The following ZEB1 variants were observed in gnomAD, a reference collection of about 807,000 sequenced individuals.
The protein encoded by ZEB1 is zinc finger E-box-binding homeobox 1.
Under a neutral mutation model 84.9 loss-of-function variants are expected in ZEB1, and 21 were observed. That is an observed-to-expected ratio of 0.25 (90% CI 0.18 to 0.36). The LOEUF is 0.36. Ranked by LOEUF, ZEB1 falls within the 10% of genes least tolerant of loss-of-function variation. The probability of loss-of-function intolerance (pLI) is 1.00; values close to 1 mark genes in which losing one functional copy is unlikely to be tolerated. For missense variants in ZEB1, 1,104 were observed against 1,330.2 expected, an observed-to-expected ratio of 0.83 and a Z score of 2.65; for synonymous variants, 420 against 471.1, an observed-to-expected ratio of 0.89 and a Z score of 1.41.
chr10:31,396,053 A>G, intron 1 of ZEB1, among the ~76,000 whole-genome samples: 1 of 152,244 alleles, frequency 6.6e-6, no homozygotes, highest in East Asian at 1.9e-4. Flanking sequence ...TAAAAATTAA[A>G]TGCTCAATTT....
intron 1 of ZEB1, among the ~76,000 whole-genome samples, chr10:31,345,191 G>A (rs1304033054): frequency 6.6e-6 from 1 of 151,812 alleles, no homozygotes; most frequent in African/African-American, 2.4e-5. Flanking sequence ...TAGCATTTTT[G>A]TTGACTAGTC....
chr10:31,434,454 C>T (rs2058066808), intron 1 of ZEB1, among the ~76,000 whole-genome samples: 1 of 152,174 alleles, frequency 6.6e-6, no homozygotes, highest in South Asian at 2.1e-4. Context: ...AGATGCTTAA[C>T]CAGGCTTAAA....
chr10:31,408,771 A>G (rs1378585903), intron 1 of ZEB1, among the ~76,000 whole-genome samples: 2 of 149,664 alleles, frequency 1.3e-5, no homozygotes, highest in African/African-American at 2.5e-5. Flanking sequence ...CTTAAACGTT[A>G]GACCTAAAAC....
Position 31,521,309 on chromosome 10 carries a change from C to A in ZEB1, c.1977C>A (p.Asn659Lys). The change falls in exon 7 of 9, where the codon AAC (asparagine) becomes AAA (lysine). Residue 659 changes from asparagine to lysine, a missense_variant. Physicochemically the swap from Asn to Lys is moderately conservative, Grantham distance 94. Transcript: ENST00000424869. ...EPGKVNIPAK[N>K]NDQPQSANAN... is the part of the protein sequence containing the mutation. ...GCAAAGTAAATATCCCTGCCAAGAA[C>A]AATGATCAGCCTCAATCTGCAAATG... 1 of 1,614,064 alleles carries A rather than the reference C, an allele frequency of 6.2e-7. No homozygotes were observed. Among genetic ancestry groups the A allele is most frequent in the East Asian group, 2.2e-5 (1 of 44,824 alleles).
chr10:31,320,885 T>A (rs2132898060), intron 1 of ZEB1, among the ~76,000 whole-genome samples: 1 of 152,262 alleles, frequency 6.6e-6, no homozygotes, highest in East Asian at 1.9e-4. Flanking sequence ...CCCCGGTACC[T>A]GTTTGTATAA....
intron 1 of ZEB1, among the ~76,000 whole-genome samples, chr10:31,406,041 C>T (rs557808651): frequency 2.2e-4 from 33 of 152,280 alleles, no homozygotes; most frequent in African/African-American, 7.0e-4. Flanking sequence ...TTTATGGCTG[C>T]ATAGTATTCC....
chr10:31,328,023 A>T (rs1337647039), intron 1 of ZEB1, among the ~76,000 whole-genome samples: 2 of 152,046 alleles, frequency 1.3e-5, no homozygotes, highest in African/African-American at 2.4e-5. Context: ...TGTATTTAAG[A>T]TGATAATCCC....
chr10:31,518,748 C>G (rs1359619727), intron 6 of ZEB1, among the ~76,000 whole-genome samples: 1 of 152,040 alleles, frequency 6.6e-6, no homozygotes, highest in Non-Finnish European at 1.5e-5. Context: ...CAGGTCCTAA[C>G]TCCCCTTTTA....
intron 1 of ZEB1, among the ~76,000 whole-genome samples, chr10:31,370,918 T>C: frequency 6.6e-6 from 1 of 152,150 alleles, no homozygotes; most frequent in East Asian, 1.9e-4. Context: ...TGGGTGTTGC[T>C]TTGTTGCCAA....
intron 1 of ZEB1, among the ~76,000 whole-genome samples, chr10:31,320,921 C>A (rs1474688301): frequency 6.6e-6 from 1 of 152,194 alleles, no homozygotes; most frequent in African/African-American, 2.4e-5. Context: ...GCCCTGCCGC[C>A]GGCCGCAGCC....
intron 4 of ZEB1, among the ~76,000 whole-genome samples, chr10:31,505,594 T>C (rs1322487958): frequency 6.6e-6 from 1 of 152,056 alleles, no homozygotes; most frequent in Non-Finnish European, 1.5e-5. Context: ...TGTATTTCTG[T>C]GGTATCATTT....
chr10:31,522,227 T>A (rs1219007133), intron 7 of ZEB1, among the ~76,000 whole-genome samples: 1 of 152,198 alleles, frequency 6.6e-6, no homozygotes, highest in African/African-American at 2.4e-5. Context: ...AAAACAAAAT[T>A]GAAATACTCG....
intron 2 of ZEB1, among the ~76,000 whole-genome samples, chr10:31,492,327 ATACT>A (rs1317134964): frequency 6.6e-6 from 1 of 151,864 alleles, no homozygotes; most frequent in Non-Finnish European, 1.5e-5. Context: ...TGAGATTTTA[ATACT>A]TTATTATAAA....
chr10:31,366,190 ACTGT>A (rs968551648), intron 1 of ZEB1, among the ~76,000 whole-genome samples: 4 of 152,174 alleles, frequency 2.6e-5, no homozygotes, highest in African/African-American at 7.2e-5. Flanking sequence ...TATAGCTCTC[ACTGT>A]CTACCATCTC....
intron 2 of ZEB1, among the ~76,000 whole-genome samples, chr10:31,467,787 G>A (rs1215660359): frequency 1.3e-5 from 2 of 152,146 alleles, no homozygotes; most frequent in Non-Finnish European, 2.9e-5. Flanking sequence ...AGGTGGTACA[G>A]AAGCTGGGCA....
At chr10:31,374,793 A>G (rs557274006) in intron 1 of ZEB1, 4 of 151,834 alleles carry the variant, frequency 2.6e-5, no homozygotes, top group African/African-American at 7.2e-5. Flanking sequence ...CTGCTATTCT[A>G]TTTTCTTAGA....
intron 1 of ZEB1, among the ~76,000 whole-genome samples, chr10:31,449,134 A>T (rs369123742): frequency 6.6e-6 from 1 of 152,212 alleles, no homozygotes; most frequent in Non-Finnish European, 1.5e-5. Flanking sequence ...TTTTTAAGCC[A>T]GTCTGAAAAG....
At chr10:31,474,879 C>T (rs1316757087) in intron 2 of ZEB1, among the ~76,000 whole-genome samples, 2 of 151,918 alleles carry the variant, frequency 1.3e-5, no homozygotes, top group Non-Finnish European at 2.9e-5. Context: ...TACTATGCAG[C>T]CATAAAAAAG....
rs77674320 is a variant in ZEB1, at chr10:31,522,634, T to C, written c.2604+698T>C. 5.6e-3 allele frequency among the ~76,000 whole-genome samples: 850 copies of C among 152,312 alleles called. 13 individuals carry two copies. The highest frequency in any genetic ancestry group is 0.02 in the African/African-American group (815 of 41,566). ...GTCTTACCCCAAAATCCACAATAGT[T>C]TTGGATAGAGCTATTGTATGCCTCA... is the stretch of plus-strand genomic sequence containing the variant. On this transcript the variant is annotated intron_variant, in intron 7 of 8. Transcript: ENST00000424869.
Sources: gnomAD v4.1 joint callset for allele counts (sites outside exome capture counted in the v4.1 genomes callset) on GRCh38, gnomAD v4.1.1 for gene constraint, MANE v1.5 for transcripts, NCBI Gene and HGNC (gene_info 2026-07-23, HGNC 2026-07-21) for gene names.